Variants in SP140 observed in about 807,000 individuals in gnomAD.
The protein encoded by SP140 is SP140 nuclear body protein.
SP140 carries 81 observed loss-of-function variants against 125.0 expected under a neutral mutation model. That is an observed-to-expected ratio of 0.65 (90% CI 0.54 to 0.78). The LOEUF (loss-of-function observed/expected upper bound fraction) is 0.78, where lower values mean the gene tolerates loss of function less well. SP140 is among the 30% of genes least tolerant of loss of function. The pLI is 0.00. For missense variants in SP140, 858 were observed against 1,037.0 expected (o/e 0.83, Z 2.37); for synonymous variants, 312 against 354.0 (o/e 0.88, Z 1.33).
chr2:230,225,607 T>C, upstream of SP140: 1 of 582,894 alleles, frequency 1.7e-6, no homozygotes, highest in Non-Finnish European at 3.1e-6. Flanking sequence ...CAAGTGACCC[T>C]GTCTTCCGTG....
At chr2:230,235,986 C>T (rs905001045) in intron 1 of SP140, among the ~76,000 whole-genome samples, 1 of 149,734 alleles carries the variant, frequency 6.7e-6, no homozygotes, top group East Asian at 2.0e-4. Context: ...ACGCCATTCT[C>T]CTGTCTCAGC....
At chr2:230,190,587 T>C in the SP140 span, among the ~76,000 whole-genome samples, 115,895 of 151,768 alleles carry the variant, frequency 0.76, 44,368 homozygotes, top group Admixed American at 0.83. Flanking sequence ...AATCTTGGCT[T>C]TTGTTGTAAT....
chr2:230,200,260 C>T (rs140189297), upstream of SP140, among the ~76,000 whole-genome samples: 491 of 152,206 alleles, frequency 3.2e-3, 1 homozygote, highest in African/African-American at 9.8e-3. Flanking sequence ...AGCAAACAGA[C>T]GAATATCTAG....
chr2:230,274,400 A>T (rs1032408026), intron 15 of SP140, among the ~76,000 whole-genome samples: 6 of 152,146 alleles, frequency 3.9e-5, no homozygotes, highest in Non-Finnish European at 8.8e-5. Context: ...CGAGAGAGGG[A>T]TGTGTGACTA....
intron 18 of SP140, among the ~76,000 whole-genome samples, chr2:230,288,509 C>CTTTCTTTCTTTCTTTCTTTCTTTT (rs1553600191): frequency 8.6e-6 from 1 of 116,018 alleles, no homozygotes; most frequent in African/African-American, 3.2e-5. Context: ...TTCTTTCTTT[C>CTTTCTTTCTTTCTTTCTTTCTTTT]TTTCTTTCTT....
intron 12 of SP140, among the ~76,000 whole-genome samples, chr2:230,261,971 A>G (rs1308009007): frequency 6.6e-6 from 1 of 152,166 alleles, no homozygotes; most frequent in East Asian, 1.9e-4. Flanking sequence ...GCTTCACAGA[A>G]TGAATTAGGG....
intron 17 of SP140, among the ~76,000 whole-genome samples, chr2:230,287,594 T>C (rs949674409): frequency 3.9e-5 from 6 of 152,204 alleles, no homozygotes; most frequent in African/African-American, 1.4e-4. Flanking sequence ...TGGAATGAAA[T>C]ATGAAATGAA....
At position 230,243,744 on chromosome 2, in the gene SP140, C is replaced by T. The variant is rs2049025675; in HGVS notation, c.504C>T (p.Ala168=). 1 of 1,612,090 alleles carries T rather than the reference C, an allele frequency of 6.2e-7. No individual in the cohort carries two copies. Among genetic ancestry groups the T allele is most frequent in the African/African-American group, 1.3e-5 (1 of 74,812 alleles). ...TCCTTTCGGCAGAGAACAGCAATGC[C>T]TGTCATGAAATGGATGATATAGCAG... ...LPYGKQENSN[A]CHEMDDIAVP... Residue 168 remains alanine (A), a synonymous_variant, in exon 5 of 27, where the codon GCC becomes GCT. Transcript: ENST00000392045.
At chr2:230,195,988 A>T in the SP140 span, among the ~76,000 whole-genome samples, 1 of 152,222 alleles carries the variant, frequency 6.6e-6, no homozygotes, top group Non-Finnish European at 1.5e-5. Context: ...ATTTATTTAG[A>T]AATCATCTCT....
chr2:230,223,184 G>A (rs992930930), upstream of SP140, among the ~76,000 whole-genome samples: 4 of 151,886 alleles, frequency 2.6e-5, no homozygotes, highest in East Asian at 5.8e-4. Flanking sequence ...CTACAGGCAC[G>A]CATCACCATA....
At chr2:230,251,084 G>T in intron 10 of SP140, 23 bp downstream of exon 10, 1 of 1,597,770 alleles carries the variant, frequency 6.3e-7, no homozygotes, top group Non-Finnish European at 8.6e-7. Context: ...AGGATTTCTG[G>T]CCCTGGGCTG....
the SP140 span, among the ~76,000 whole-genome samples, chr2:230,193,791 G>A: frequency 6.6e-6 from 1 of 152,114 alleles, no homozygotes; most frequent in Non-Finnish European, 1.5e-5. Flanking sequence ...TCAGGGGGAG[G>A]GCAGATGCTT....
chr2:230,296,315 C>G (rs1045695612), intron 21 of SP140, among the ~76,000 whole-genome samples: 3 of 152,150 alleles, frequency 2.0e-5, no homozygotes, highest in African/African-American at 7.2e-5. Flanking sequence ...AGATTCTAGA[C>G]CAGTTGGAGA....
chr2:230,225,836 G>A lies in SP140; in HGVS notation c.-9G>A. ...AAAATCGAATCGGGTGTGATCCTAG[G>A]CCAAGCTCATGGCCCAGCAGGGCCA... On this transcript the variant is annotated 5_prime_UTR_variant, in exon 1 of 27. Transcript: ENST00000392045. 1 of 1,613,742 alleles carries A rather than the reference G, an allele frequency of 6.2e-7. No homozygotes were observed.
Position 230,248,083 on chromosome 2 carries a change from A to G in SP140, c.892+18A>G. Reference sequence around the variant, plus strand: ...AGACAAAGGTAGGAACAGAAGAAGCAGAGACATGTGTCAAGGGTGAAAATG... The same window carrying G: ...AGACAAAGGTAGGAACAGAAGAAGCGGAGACATGTGTCAAGGGTGAAAATG... On this transcript the variant is annotated intron_variant, in intron 8 of 26. Coordinates refer to ENST00000392045, the MANE Select transcript of SP140 (RefSeq NM_007237.5). The G allele has an allele frequency of 1.9e-6, 3 of 1,611,998 alleles. No individual in the cohort carries two copies. The highest frequency in any genetic ancestry group is 2.5e-6 in the Non-Finnish European group (3 of 1,179,046).
At chr2:230,215,656 G>T (rs558940114) in intron 3 of SP140, among the ~76,000 whole-genome samples, 53 of 152,344 alleles carry the variant, frequency 3.5e-4, no homozygotes, top group Admixed American at 3.5e-3. Context: ...AATACGGCAA[G>T]AGAGAACTGA....
chr2:230,245,142 A>G (rs2049246883), intron 6 of SP140, 62 bp downstream of exon 6: 4 of 1,075,772 alleles, frequency 3.7e-6, no homozygotes, highest in South Asian at 2.7e-5. Flanking sequence ...CTATGCAACC[A>G]ACACTTCCTT....
intron 1 of SP140, chr2:230,212,872 C>T: frequency 8.7e-6 from 14 of 1,614,058 alleles, no homozygotes; most frequent in Non-Finnish European, 1.2e-5. Context: ...GTTCCAGGCT[C>T]ACTGACTCTT....
upstream of SP140, among the ~76,000 whole-genome samples, chr2:230,222,900 T>C (rs1167895918): frequency 6.6e-6 from 1 of 151,642 alleles, no homozygotes; most frequent in Non-Finnish European, 1.5e-5. Context: ...GGTGTATGGC[T>C]TTCTTTTCCT....
Sources: allele counts gnomAD v4.1 joint callset (sites outside exome capture counted in the v4.1 genomes callset), GRCh38; gene constraint gnomAD v4.1.1; transcripts MANE v1.5; gene names NCBI Gene and HGNC (gene_info 2026-07-23, HGNC 2026-07-21).